Variants in DLG2 observed in about 807,000 individuals in gnomAD.
DLG2 encodes the protein discs large MAGUK scaffold protein 2, also known as disks large homolog 2.
DLG2 carries 45 observed loss-of-function variants against 132.5 expected under a neutral mutation model. The observed-to-expected ratio is 0.34, with a 90% CI of 0.27 to 0.44. DLG2 has a LOEUF of 0.44. Among genes scored for constraint, DLG2 ranks in the 20% least tolerant of loss-of-function variants. DLG2 has a pLI of 1.00. For synonymous variants in DLG2, 424 were observed against 419.6 expected, an observed-to-expected ratio of 1.01 and a Z score of -0.13; for missense variants, 1,045 against 1,196.9, an observed-to-expected ratio of 0.87 and a Z score of 1.87.
intron 3 of DLG2, among the ~76,000 whole-genome samples, chr11:85,415,358 T>A (rs1451576751): frequency 6.6e-6 from 1 of 152,058 alleles, no homozygotes; most frequent in Non-Finnish European, 1.5e-5. Flanking sequence ...GATTTCTAAT[T>A]CTTTGGGTTT....
intron 3 of DLG2, among the ~76,000 whole-genome samples, chr11:85,428,049 A>G (rs2090899396): frequency 6.6e-6 from 1 of 152,216 alleles, no homozygotes; most frequent in Non-Finnish European, 1.5e-5. Context: ...CATAATGGTA[A>G]AGGGATCAAT....
chr11:85,097,198 A>G (rs1190246115), intron 6 of DLG2, among the ~76,000 whole-genome samples: 1 of 152,104 alleles, frequency 6.6e-6, no homozygotes, highest in Non-Finnish European at 1.5e-5. Context: ...GTGCTTTTTT[A>G]GTTTCTCCTA....
intron 4 of DLG2, among the ~76,000 whole-genome samples, chr11:85,247,026 G>A (rs772291388): frequency 6.6e-6 from 1 of 151,988 alleles, no homozygotes; most frequent in Non-Finnish European, 1.5e-5. Flanking sequence ...GTCACTAAAT[G>A]AGCAAAGCAC....
chr11:84,083,972 T>C (rs560922367), intron 10 of DLG2, among the ~76,000 whole-genome samples: 1 of 152,280 alleles, frequency 6.6e-6, no homozygotes, highest in South Asian at 2.1e-4. Context: ...GAGGCTTTAC[T>C]CTCATTCACC....
At chr11:84,442,082 G>C (rs2099018968) in intron 7 of DLG2, among the ~76,000 whole-genome samples, 2 of 152,084 alleles carry the variant, frequency 1.3e-5, no homozygotes, top group Non-Finnish European at 2.9e-5. Context: ...TTTTGGCTGG[G>C]ATTTTCTCGG....
At chr11:85,210,223 T>G (rs140698463) in intron 4 of DLG2, among the ~76,000 whole-genome samples, 118 of 152,262 alleles carry the variant, frequency 7.7e-4, no homozygotes, top group African/African-American at 2.7e-3. Flanking sequence ...GAGTAGTGCT[T>G]AGGATATAGG....
intron 6 of DLG2, among the ~76,000 whole-genome samples, chr11:84,807,504 C>T (rs1469482895): frequency 2.5e-4 from 38 of 151,944 alleles, no homozygotes; most frequent in Admixed American, 2.4e-3. Flanking sequence ...TAAGCCTTAA[C>T]ATATTAATAA....
At chr11:85,399,964 C>A (rs963825619) in intron 3 of DLG2, among the ~76,000 whole-genome samples, 6 of 151,634 alleles carry the variant, frequency 4.0e-5, no homozygotes, top group Non-Finnish European at 7.4e-5. Context: ...TTCTGCACAG[C>A]AAAAGAAACT....
chr11:83,850,570 T>C (rs2059571402), intron 16 of DLG2, among the ~76,000 whole-genome samples: 1 of 152,154 alleles, frequency 6.6e-6, no homozygotes, highest in Non-Finnish European at 1.5e-5. Flanking sequence ...ATATGTGGTG[T>C]TTGAAGGAAA....
intron 14 of DLG2, among the ~76,000 whole-genome samples, chr11:83,942,699 C>A (rs1212844788): frequency 6.6e-6 from 1 of 152,056 alleles, no homozygotes; most frequent in Non-Finnish European, 1.5e-5. Context: ...ATTATGGGTA[C>A]TTTTGATTTC....
intron 15 of DLG2, among the ~76,000 whole-genome samples, chr11:83,907,211 A>G (rs2075167408): frequency 6.6e-6 from 1 of 152,182 alleles, no homozygotes; most frequent in Non-Finnish European, 1.5e-5. Flanking sequence ...GAAAGAAACT[A>G]GAAGGATCAC....
chr11:84,299,408 G>A (rs917366556), intron 7 of DLG2, among the ~76,000 whole-genome samples: 4 of 152,160 alleles, frequency 2.6e-5, no homozygotes, highest in African/African-American at 9.7e-5. Context: ...ACGGAGAGCA[G>A]AAATGTAAAA....
chr11:85,425,417 T>C (rs184276548), intron 3 of DLG2, among the ~76,000 whole-genome samples: 3 of 152,242 alleles, frequency 2.0e-5, no homozygotes, highest in East Asian at 3.9e-4. Context: ...TTTACCATAA[T>C]GAACATATAT....
chr11:84,568,630 C>G (rs1001488543), intron 6 of DLG2, among the ~76,000 whole-genome samples: 2 of 152,126 alleles, frequency 1.3e-5, no homozygotes, highest in Non-Finnish European at 2.9e-5. Context: ...GTATCTATGC[C>G]CAGCCTTAGA....
intron 6 of DLG2, among the ~76,000 whole-genome samples, chr11:85,059,071 A>C (rs2063755504): frequency 6.6e-6 from 1 of 151,564 alleles, no homozygotes; most frequent in Non-Finnish European, 1.5e-5. Flanking sequence ...AAAATGCAAG[A>C]AAAAGAGTGA....
chr11:84,154,153 A>G (rs2095371271), intron 9 of DLG2, among the ~76,000 whole-genome samples: 1 of 152,130 alleles, frequency 6.6e-6, no homozygotes, highest in East Asian at 1.9e-4. Flanking sequence ...ACACGCCAAC[A>G]TGCCCAGCTA....
chr11:83,575,803 G>A (rs2096864760), intron 19 of DLG2, among the ~76,000 whole-genome samples: 2 of 152,078 alleles, frequency 1.3e-5, no homozygotes, highest in Non-Finnish European at 2.9e-5. Context: ...TCAGTTCCAT[G>A]ATACATTTCA....
intron 19 of DLG2, among the ~76,000 whole-genome samples, chr11:83,547,213 A>G (rs575332444): frequency 6.6e-6 from 1 of 152,300 alleles, no homozygotes; most frequent in South Asian, 2.1e-4. Flanking sequence ...CACTAAGAAT[A>G]GGAAAAATTA....
At chr11:84,491,752 C>T (rs933584696) in intron 7 of DLG2, among the ~76,000 whole-genome samples, 1 of 152,140 alleles carries the variant, frequency 6.6e-6, no homozygotes, top group African/African-American at 2.4e-5. Flanking sequence ...CAGTCAAGTT[C>T]CATGGTTTTT....
Sources: allele counts gnomAD v4.1 joint callset (sites outside exome capture counted in the v4.1 genomes callset), GRCh38; gene constraint gnomAD v4.1.1; transcripts MANE v1.5; gene names NCBI Gene and HGNC (gene_info 2026-07-23, HGNC 2026-07-21).